Variants in VWA8 observed in about 807,000 individuals in gnomAD.
The protein encoded by VWA8 is von Willebrand factor A domain containing 8.
A neutral mutation model predicts 241.5 loss-of-function variants in VWA8; 221 were observed. That is an observed-to-expected ratio of 0.91 (90% CI 0.82 to 1.02). VWA8 has a LOEUF of 1.02. Ranked by LOEUF, VWA8 falls within the 50% of genes least tolerant of loss-of-function variation. The probability of loss-of-function intolerance (pLI) is 0.00; values close to 1 mark genes in which losing one functional copy is unlikely to be tolerated. For synonymous variants in VWA8, 852 were observed against 827.1 expected (o/e 1.03, Z -0.52); for missense variants, 2,322 against 2,328.7 (o/e 1.00, Z 0.06).
chr13:41,769,257 A>G (rs2045801570), intron 20 of VWA8, among the ~76,000 whole-genome samples: 2 of 152,266 alleles, frequency 1.3e-5, no homozygotes, highest in Admixed American at 6.5e-5. Flanking sequence ...GCATCAGATC[A>G]TATGAAGGGA....
rs1320675950 is a variant in VWA8 at position 41,883,431 on chromosome 13, A to G, written c.1036T>C (p.Leu346=). ...GCCATCTTCCCTTCATGACCTAGTA[A>G]AATACTATATGGATAAAGCCACTGG... ...AIQWLYPYSI[L]LGHEGKMAVE... Residue 346 remains leucine, a synonymous_variant, in exon 9 of 45, where the codon TTA becomes CTA. Transcript: ENST00000379310. The G allele has an allele frequency of 6.2e-7, 1 of 1,613,646 alleles. No individual in the cohort carries two copies. The highest frequency in any genetic ancestry group is 1.3e-5 in the African/African-American group (1 of 74,906).
chr13:41,921,068 C>T (rs369141082), intron 2 of VWA8, among the ~76,000 whole-genome samples: 1 of 152,186 alleles, frequency 6.6e-6, no homozygotes. Flanking sequence ...AACAGCAGCA[C>T]ATCAAAAAGC....
chr13:41,611,509 C>T (rs2044587996), intron 39 of VWA8, 67 bp downstream of exon 39: 1 of 1,544,106 alleles, frequency 6.5e-7, no homozygotes. Context: ...ATCTAGGTTT[C>T]CCCACAGTCC....
intron 17 of VWA8, among the ~76,000 whole-genome samples, chr13:41,799,171 C>T (rs910823270): frequency 6.6e-6 from 1 of 152,084 alleles, no homozygotes; most frequent in Non-Finnish European, 1.5e-5. Context: ...TCTGCCAAAT[C>T]TCTTATGGTT....
At chr13:41,948,397 T>C (rs1002125196) in intron 2 of VWA8, among the ~76,000 whole-genome samples, 2 of 152,160 alleles carry the variant, frequency 1.3e-5, no homozygotes, top group Admixed American at 6.5e-5. Flanking sequence ...TAACTATTAA[T>C]GAGTATAAAG....
rs556482884 is a variant in VWA8, at chr13:41,891,502, T to C, written c.569A>G (p.Asn190Ser). 214 of 1,614,214 alleles carry C rather than the reference T, an allele frequency of 1.3e-4. 2 individuals are homozygous for C. The South Asian group carries it at 2.1e-3, about 16-fold the overall frequency. ...KAERNVLPVL[N>S]NLLENREMQL... ...CATCTCTCTGTTTTCCAGCAAGTTG[T>C]TCAAAACAGGCAAAACATTCCTCTC... The change falls in exon 5 of 45, where the codon AAC becomes AGC. Residue 190 changes from asparagine to serine, a missense_variant. Transcript: ENST00000379310.
chr13:41,890,044 T>G (rs1450668479), intron 5 of VWA8, among the ~76,000 whole-genome samples: 1 of 152,230 alleles, frequency 6.6e-6, no homozygotes, highest in Non-Finnish European at 1.5e-5. Flanking sequence ...TATCTCCTTC[T>G]GATTATATCA....
At chr13:41,729,504 T>C (rs1229852093) in intron 23 of VWA8, 38 bp downstream of exon 23, 65 of 1,587,280 alleles carry the variant, frequency 4.1e-5, no homozygotes, top group Non-Finnish European at 5.5e-5. Flanking sequence ...ATAAACATTG[T>C]ATTTATTAAA....
At chr13:41,601,996 T>C (rs753325706) in intron 40 of VWA8, among the ~76,000 whole-genome samples, 2 of 152,090 alleles carry the variant, frequency 1.3e-5, no homozygotes, top group African/African-American at 4.8e-5. Context: ...CTGGAAGATA[T>C]TAGTCAACTG....
chr13:41,647,660 T>C (rs538567650), intron 37 of VWA8, among the ~76,000 whole-genome samples: 1 of 152,248 alleles, frequency 6.6e-6, no homozygotes, highest in African/African-American at 2.4e-5. Flanking sequence ...GTAGAATCAG[T>C]CACATTATTT....
chr13:41,899,885 T>G (rs997618909), intron 4 of VWA8, among the ~76,000 whole-genome samples: 2 of 152,204 alleles, frequency 1.3e-5, no homozygotes, highest in Non-Finnish European at 2.9e-5. Flanking sequence ...ATACCCACTT[T>G]GCCTCATTTG....
chr13:41,798,184 G>T (rs191735830), intron 17 of VWA8, among the ~76,000 whole-genome samples: 1 of 152,052 alleles, frequency 6.6e-6, no homozygotes, highest in South Asian at 2.1e-4. Flanking sequence ...GCTTCACCCT[G>T]TTGTTAAATA....
intron 15 of VWA8, among the ~76,000 whole-genome samples, chr13:41,817,567 A>G (rs1309292196): frequency 6.6e-6 from 1 of 152,244 alleles, no homozygotes; most frequent in Non-Finnish European, 1.5e-5. Context: ...GCTAAGTCCT[A>G]GTCCACATAT....
chr13:41,572,360 AGG>A (rs568148505), intron 43 of VWA8, among the ~76,000 whole-genome samples: 10 of 152,358 alleles, frequency 6.6e-5, no homozygotes, highest in African/African-American at 2.4e-4. Context: ...CGAATAGAAA[AGG>A]GGGAAATGTG....
At chr13:41,617,267 T>C (rs1183242178) in intron 37 of VWA8, among the ~76,000 whole-genome samples, 2 of 151,996 alleles carry the variant, frequency 1.3e-5, no homozygotes, top group Non-Finnish European at 2.9e-5. Flanking sequence ...TACAGGCACC[T>C]GCCACCACGC....
At position 41,891,441 on chromosome 13, in the gene VWA8, C is replaced by T. The variant is rs771941900; in HGVS notation, c.630G>A (p.Glu210=). ...TTACTCGGAGAAGTTTGTCGTAACGCTCAGCAGACATCAGGAAGCGTCCAT... is the reference window on the plus strand; with the variant it reads ...TTACTCGGAGAAGTTTGTCGTAACGTTCAGCAGACATCAGGAAGCGTCCAT... ...LEDGRFLMSA[E]RYDKLLRDHT... Residue 210 remains glutamate, a synonymous_variant, in exon 5 of 45, where the codon GAG becomes GAA. Transcript: ENST00000379310. 1.2e-6 allele frequency: 2 copies of T among 1,614,182 alleles called. No individual in the cohort carries two copies. Among genetic ancestry groups the T allele is most frequent in the Non-Finnish European group, 1.7e-6 (2 of 1,180,018 alleles).
intron 2 of VWA8, among the ~76,000 whole-genome samples, chr13:41,942,777 C>A (rs553925693): frequency 8.7e-4 from 133 of 152,270 alleles, no homozygotes; most frequent in African/African-American, 3.1e-3. Flanking sequence ...GACAGAGATT[C>A]CTCCTAGGCA....
intron 17 of VWA8, among the ~76,000 whole-genome samples, chr13:41,793,562 C>T (rs957612065): frequency 6.6e-5 from 10 of 152,010 alleles, no homozygotes; most frequent in Non-Finnish European, 1.2e-4. Flanking sequence ...ACTTGTAATC[C>T]CAGCACTTTG....
intron 44 of VWA8, among the ~76,000 whole-genome samples, chr13:41,569,645 A>ATTTTT (rs769186344): frequency 1.4e-5 from 2 of 140,100 alleles, no homozygotes; most frequent in African/African-American, 5.2e-5. Context: ...TTAGGCAGGG[A>ATTTTT]TTTTTTTTTT....
Sources: allele counts gnomAD v4.1 joint callset (sites outside exome capture counted in the v4.1 genomes callset), GRCh38; gene constraint gnomAD v4.1.1; transcripts MANE v1.5; gene names NCBI Gene and HGNC (gene_info 2026-07-23, HGNC 2026-07-21).